PKIA: variants seen among roughly 807,000 people sequenced by gnomAD.
PKIA encodes the protein PKI-alpha.
In PKIA, 4 loss-of-function variants were observed where a neutral mutation model predicts 7.6. That is an observed-to-expected ratio of 0.52 (90% CI 0.26 to 1.20). The LOEUF (loss-of-function observed/expected upper bound fraction) is 1.20, where lower values mean the gene tolerates loss of function less well. Among genes scored for constraint, PKIA ranks in the 50% most tolerant of loss-of-function variants. The pLI is 0.13. For synonymous variants in PKIA, 21 were observed against 30.7 expected, an observed-to-expected ratio of 0.68 and a Z score of 1.04; for missense variants, 73 against 86.2, an observed-to-expected ratio of 0.85 and a Z score of 0.61.
chr8:78,598,748 A>G (rs990811281), intron 3 of PKIA, among the ~76,000 whole-genome samples: 2 of 152,148 alleles, frequency 1.3e-5, no homozygotes, highest in Admixed American at 1.3e-4. Context: ...ACTCAAATGC[A>G]GAGTCCTTAA....
intron 2 of PKIA, among the ~76,000 whole-genome samples, chr8:78,593,403 G>T (rs951946190): frequency 6.6e-6 from 1 of 152,164 alleles, no homozygotes; most frequent in African/African-American, 2.4e-5. Context: ...TTACAGGCAT[G>T]AGCCACCATG....
rs1807852351 is a variant in PKIA at position 78,582,870 on chromosome 8, T to C, written c.-28+9931T>C. 2.0e-5 allele frequency among the ~76,000 whole-genome samples: 3 copies of C among 152,090 alleles called. No individual in the cohort carries two copies. In the South Asian group the frequency reaches 6.2e-4, roughly 31 times the overall value. The stretch of plus-strand genomic sequence containing the variant: ...TGACAATTATATATCCAAACAGAAA[T>C]GCAACCTTTTAAATCATCCATGTCA... On this transcript the variant is annotated intron_variant, in intron 2 of 3. Coordinates refer to ENST00000396418, the MANE Select transcript of PKIA (RefSeq NM_006823.4).
chr8:78,601,686 A>C, intron 3 of PKIA, 56 bp from the exon 4 acceptor site: 1 of 1,318,802 alleles, frequency 7.6e-7, no homozygotes, highest in Non-Finnish European at 1.1e-6. Flanking sequence ...ACAGTTGGTA[A>C]ATAAAAGCAA....
chr8:78,568,852 CT>C (rs1309689323), intron 1 of PKIA, among the ~76,000 whole-genome samples: 1 of 152,282 alleles, frequency 6.6e-6, no homozygotes, highest in Non-Finnish European at 1.5e-5. Context: ...TGATCCATGA[CT>C]TTTGTTTCAG....
intron 1 of PKIA, among the ~76,000 whole-genome samples, chr8:78,562,208 C>G (rs1807302386): frequency 6.6e-6 from 1 of 152,096 alleles, no homozygotes; most frequent in Admixed American, 6.6e-5. Flanking sequence ...CTCAGGATCC[C>G]AGGGTCACCA....
rs947306948 is a variant in PKIA at position 78,605,121 on chromosome 8, T to A, written c.*3300T>A. 1.3e-5 allele frequency: 2 copies of A among 152,012 alleles called. No homozygotes were observed. The highest frequency in any genetic ancestry group is 4.8e-5 in the African/African-American group (2 of 41,438). The allele number at this position is 152,012 out of a possible 1,614,324, so 9.4% of individuals were successfully genotyped here. Reference sequence around the variant, plus strand: ...AAAATAGGAAAGGATCTATGATTTATGATGTCTTAATAGACCCTAAATTGT... The same window carrying A: ...AAAATAGGAAAGGATCTATGATTTAAGATGTCTTAATAGACCCTAAATTGT... On this transcript the variant is annotated 3_prime_UTR_variant, in exon 4 of 4. Transcript: ENST00000396418.
At chr8:78,568,478 G>A (rs1392181047) in intron 1 of PKIA, among the ~76,000 whole-genome samples, 1 of 152,132 alleles carries the variant, frequency 6.6e-6, no homozygotes, top group African/African-American at 2.4e-5. Flanking sequence ...CTGATAAGAT[G>A]GAGTGGCTGC....
chr8:78,525,062 T>C (rs2118338230), intron 1 of PKIA, among the ~76,000 whole-genome samples: 1 of 151,884 alleles, frequency 6.6e-6, no homozygotes, highest in South Asian at 2.1e-4. Context: ...AACCATACTT[T>C]CTTCCCTCTG....
At chr8:78,558,729 G>C (rs1010825705) in intron 1 of PKIA, among the ~76,000 whole-genome samples, 1 of 151,914 alleles carries the variant, frequency 6.6e-6, no homozygotes, top group East Asian at 1.9e-4. Flanking sequence ...ATCAACAAAT[G>C]TTCACGTATT....
chr8:78,574,191 T>C (rs1379804255), intron 2 of PKIA, among the ~76,000 whole-genome samples: 2 of 152,054 alleles, frequency 1.3e-5, no homozygotes, highest in Non-Finnish European at 2.9e-5. Context: ...TTAATGCATA[T>C]ATACATTGTA....
At chr8:78,579,615 A>G (rs1468748953) in intron 2 of PKIA, among the ~76,000 whole-genome samples, 3 of 152,082 alleles carry the variant, frequency 2.0e-5, no homozygotes, top group African/African-American at 7.2e-5. Flanking sequence ...AAAGATAGAT[A>G]CATTTTACTT....
chr8:78,581,161 T>C (rs1807798124), intron 2 of PKIA, among the ~76,000 whole-genome samples: 1 of 151,980 alleles, frequency 6.6e-6, no homozygotes, highest in African/African-American at 2.4e-5. Context: ...CCCTAGAACA[T>C]ATTGTTCCAA....
chr8:78,579,758 A>C (rs952145115), intron 2 of PKIA, among the ~76,000 whole-genome samples: 4 of 152,070 alleles, frequency 2.6e-5, no homozygotes, highest in South Asian at 2.1e-4. Flanking sequence ...CATGGCTTCA[A>C]TATTTAATGC....
intron 1 of PKIA, among the ~76,000 whole-genome samples, chr8:78,566,852 C>T (rs923250621): frequency 2.0e-5 from 3 of 152,052 alleles, no homozygotes; most frequent in Non-Finnish European, 4.4e-5. Context: ...GATTAAACAC[C>T]GAAAAGACAT....
At chr8:78,589,856 CAT>C (rs1016765140) in intron 2 of PKIA, among the ~76,000 whole-genome samples, 4 of 152,120 alleles carry the variant, frequency 2.6e-5, no homozygotes, top group East Asian at 1.9e-4. Flanking sequence ...GTGTATCAAA[CAT>C]GTGGTTATCA....
chr8:78,532,726 G>A (rs924455914), intron 1 of PKIA, among the ~76,000 whole-genome samples: 9 of 151,864 alleles, frequency 5.9e-5, no homozygotes, highest in African/African-American at 1.7e-4. Flanking sequence ...GGCCAACGTG[G>A]TGGTATCCCT....
intron 2 of PKIA, among the ~76,000 whole-genome samples, chr8:78,587,085 T>G (rs1807966093): frequency 6.6e-6 from 1 of 152,218 alleles, no homozygotes. Context: ...TTGGATCCTT[T>G]TTTTGATTTT....
intron 1 of PKIA, among the ~76,000 whole-genome samples, chr8:78,524,130 TTATA>T (rs922447484): frequency 1.5e-5 from 2 of 131,262 alleles, no homozygotes; most frequent in Non-Finnish European, 3.1e-5. Context: ...ACATTTATAT[TTATA>T]TATAAACATT....
intron 2 of PKIA, among the ~76,000 whole-genome samples, chr8:78,583,617 T>G (rs2130216382): frequency 6.6e-6 from 1 of 152,240 alleles, no homozygotes; most frequent in South Asian, 2.1e-4. Flanking sequence ...GCATTTGCAG[T>G]CTTTTACAGT....
Sources: allele counts gnomAD v4.1 joint callset (sites outside exome capture counted in the v4.1 genomes callset), GRCh38; gene constraint gnomAD v4.1.1; transcripts MANE v1.5; gene names NCBI Gene and HGNC (gene_info 2026-07-23, HGNC 2026-07-21).